The following CFAP20DC variants were observed in gnomAD, a reference collection of about 807,000 sequenced individuals.
CFAP20DC encodes protein CFAP20DC.
In CFAP20DC, 84 loss-of-function variants were observed where a neutral mutation model predicts 101.7. That is an observed-to-expected ratio of 0.83 (90% CI 0.69 to 0.99). The LOEUF (loss-of-function observed/expected upper bound fraction) is 0.99. Ranked by LOEUF, CFAP20DC falls within the 50% of genes least tolerant of loss-of-function variation. CFAP20DC has a pLI of 0.00. For synonymous variants in CFAP20DC, 359 were observed against 351.2 expected (o/e 1.02, Z -0.25); for missense variants, 1,007 against 970.3 (o/e 1.04, Z -0.50).
At chr3:58,819,735 C>G (rs1310911328) in intron 14 of CFAP20DC, among the ~76,000 whole-genome samples, 3 of 144,580 alleles carry the variant, frequency 2.1e-5, no homozygotes, top group South Asian at 4.5e-4. Context: ...GGGTACCATT[C>G]CTTCTGAAAC....
intron 14 of CFAP20DC, among the ~76,000 whole-genome samples, chr3:58,809,252 T>A (rs918185991): frequency 4.0e-5 from 6 of 151,888 alleles, no homozygotes; most frequent in Non-Finnish European, 8.8e-5. Flanking sequence ...AATATACATT[T>A]TTTTCAGCAC....
chr3:58,774,972 T>C (rs1017916594), intron 15 of CFAP20DC, among the ~76,000 whole-genome samples: 1 of 152,158 alleles, frequency 6.6e-6, no homozygotes, highest in African/African-American at 2.4e-5. Flanking sequence ...CACAAATAAA[T>C]ACTTGCTAAC....
chr3:58,722,256 C>G lies in CFAP20DC; in HGVS notation c.198-4628G>C, dbSNP rs1360517335. ...GCCACCAAGTGTTCAGTCACCCCCA[C>G]CCCTTTGAGCCTTTCCAGCTGAGGT... On this transcript the variant is annotated intron_variant, in intron 3 of 3. Coordinates refer to the CFAP20DC transcript ENST00000486145. This position sits in a 1 kb window ranked among gnomAD's most constrained non-coding sequence, Gnocchi z 4.5. 1.3e-5 allele frequency among the ~76,000 whole-genome samples: 2 copies of G among 152,194 alleles called. No homozygotes were observed. The highest frequency in any genetic ancestry group is 1.3e-4 in the Admixed American group (2 of 15,280).
intron 6 of CFAP20DC, among the ~76,000 whole-genome samples, chr3:58,911,381 T>G (rs2084135661): frequency 6.6e-6 from 1 of 152,284 alleles, no homozygotes; most frequent in African/African-American, 2.4e-5. Flanking sequence ...TCCATTTATA[T>G]AAATGTAAAA....
Position 58,864,978 on chromosome 3 carries a change from A to G in CFAP20DC, c.1259-1086T>C, listed in dbSNP as rs1472979595. Among the ~76,000 whole-genome samples, 1 of 152,146 alleles carries G rather than the reference A, an allele frequency of 6.6e-6. No individual in the cohort carries two copies. The highest frequency in any genetic ancestry group is 1.9e-4 in the East Asian group (1 of 5,204). On this transcript the variant is annotated intron_variant, in intron 11 of 16. Transcript: ENST00000482387. The surrounding 1 kb of genome is among the most constrained non-coding windows in gnomAD (Gnocchi z 4.7). ...ACATTGAGATAGAGTTTATAGCTCTATGATCCTGATGAATTGAAAAAGACA... is the reference window on the plus strand; with the variant it reads ...ACATTGAGATAGAGTTTATAGCTCTGTGATCCTGATGAATTGAAAAAGACA...
chr3:58,727,112 A>T (rs2067564782), intron 3 of CFAP20DC: 1 of 199,788 alleles, frequency 5.0e-6, no homozygotes, highest in Non-Finnish European at 1.0e-5. Flanking sequence ...GGGGCCAGGA[A>T]GTGCTATCCT....
rs2079109253 is a variant in CFAP20DC, at chr3:58,859,936, T to C, written c.1593+3622A>G. Among the ~76,000 whole-genome samples, 1 of 152,052 alleles carries C rather than the reference T, an allele frequency of 6.6e-6. No homozygotes were observed. The highest frequency in any genetic ancestry group is 1.5e-5 in the Non-Finnish European group (1 of 68,008). On this transcript the variant is annotated intron_variant, in intron 12 of 16. Coordinates refer to ENST00000482387, the MANE Select transcript of CFAP20DC (RefSeq NM_001394063.1). This position sits in a 1 kb window ranked among gnomAD's most constrained non-coding sequence, Gnocchi z 4.1. The stretch of plus-strand genomic sequence containing the variant: ...GCTCATGCCTGTAATCCCAGCACTT[T>C]CGGAAGCCGAGGCAGGCAGATCACG...
Position 58,848,970 on chromosome 3 carries a change from A to G in CFAP20DC, c.1971+62T>C. On this transcript the variant is annotated intron_variant, in intron 13 of 16. Coordinates refer to ENST00000482387, the MANE Select transcript of CFAP20DC (RefSeq NM_001394063.1). The stretch of plus-strand genomic sequence containing the variant: ...GAGATACTGCTAAAAACATGGGTGG[A>G]ACAGAACGGAACACAGCAGGATGTA... The G allele has an allele frequency of 2.0e-6, 3 of 1,479,134 alleles. No individual in the cohort carries two copies. The South Asian group carries it at 4.1e-5, about 20-fold the overall frequency. 91.6% of individuals were successfully genotyped at this position (1,479,134 alleles called of 1,614,324 possible).
downstream of CFAP20DC, among the ~76,000 whole-genome samples, chr3:58,738,237 T>C (rs975581397): frequency 6.6e-6 from 1 of 152,120 alleles, no homozygotes; most frequent in Admixed American, 6.6e-5. The surrounding 1 kb of genome is among the most constrained non-coding windows in gnomAD (Gnocchi z 4.4). Context: ...AGGTTTGTTA[T>C]GTAGGTAAAC....
In CFAP20DC at chr3:59,014,671, T is replaced by C. The variant is rs956420054; in HGVS notation, c.278+24886A>G. ...TAAGGAGTTAACAGACATCTGATGT[T>C]TGAAGTGAGAGTAATTTATTTACTA... On this transcript the variant is annotated intron_variant, in intron 4 of 16. Coordinates refer to ENST00000482387, the MANE Select transcript of CFAP20DC (RefSeq NM_001394063.1). The surrounding 1 kb of genome is among the most constrained non-coding windows in gnomAD (Gnocchi z 4.9). Among the ~76,000 whole-genome samples, 1 of 152,152 alleles carries C rather than the reference T, an allele frequency of 6.6e-6. No individual in the cohort carries two copies. The highest frequency in any genetic ancestry group is 2.1e-4 in the South Asian group (1 of 4,832).
rs1223831633 is a variant in CFAP20DC at position 59,046,240 on chromosome 3, T to C, written c.194A>G (p.Asn65Ser). ...AAAATATTACTTACGGCTTTGCTTA[T>C]TCTCCTTTGGTAACTGAATTTTGTT... is the stretch of plus-strand genomic sequence containing the variant. ...QTNKIQLPKE[N>S]KQSLGLIQRF... Residue 65 changes from asparagine to serine, a missense_variant, in exon 3 of 17, where the codon AAT (asparagine) becomes AGT (serine). By Grantham distance (46) the Asn-to-Ser change is conservative. Coordinates refer to ENST00000482387, the MANE Select transcript of CFAP20DC (RefSeq NM_001394063.1). 2 of 1,529,786 alleles carry C rather than the reference T, an allele frequency of 1.3e-6. No homozygotes were observed. The highest frequency in any genetic ancestry group is 4.9e-5 in the East Asian group (2 of 40,774). The allele number at this position is 1,529,786 out of a possible 1,614,324, so 94.8% of individuals were successfully genotyped here.
chr3:58,926,174 T>G lies in CFAP20DC; in HGVS notation c.393+11474A>C, dbSNP rs560733862. The stretch of plus-strand genomic sequence containing the variant: ...TGAGGTCAGGAGTTAGAGACCAGCC[T>G]GCCCAACATGGTGAAACCCTGTCTC... On this transcript the variant is annotated intron_variant, in intron 5 of 16. Coordinates refer to ENST00000482387, the MANE Select transcript of CFAP20DC (RefSeq NM_001394063.1). Among the ~76,000 whole-genome samples the G allele has an allele frequency of 1.2e-3, 185 of 152,188 alleles. 1 individual carries two copies. The highest frequency in any genetic ancestry group is 1.6e-3 in the Non-Finnish European group (106 of 67,994).
At chr3:58,760,310 T>G (rs2069426745) in intron 15 of CFAP20DC, among the ~76,000 whole-genome samples, 1 of 152,184 alleles carries the variant, frequency 6.6e-6, no homozygotes, top group Admixed American at 6.5e-5. Context: ...TGAATGGGAG[T>G]TCACTCATGA....
intron 15 of CFAP20DC, among the ~76,000 whole-genome samples, chr3:58,763,538 C>T (rs537627965): frequency 1.3e-5 from 2 of 152,306 alleles, no homozygotes; most frequent in Non-Finnish European, 2.9e-5. Context: ...TTTCTCAACT[C>T]GTCAAAGTCA....
chr3:58,833,779 A>G (rs2076554393), intron 13 of CFAP20DC, among the ~76,000 whole-genome samples: 1 of 152,230 alleles, frequency 6.6e-6, no homozygotes, highest in Admixed American at 6.5e-5. Flanking sequence ...AAATGTTCAA[A>G]GAAGCATTAT....
intron 3 of CFAP20DC, chr3:58,726,543 A>G (rs2067554410): frequency 6.0e-6 from 1 of 167,232 alleles, no homozygotes; most frequent in African/African-American, 2.4e-5. Flanking sequence ...CCATCAGAAT[A>G]GATGAAAGTG....
chr3:58,781,884 C>T (rs1015076564), intron 15 of CFAP20DC, among the ~76,000 whole-genome samples: 1 of 151,844 alleles, frequency 6.6e-6, no homozygotes, highest in Non-Finnish European at 1.5e-5. Context: ...CTTGAACTAT[C>T]CCAAAAATTG....
intron 4 of CFAP20DC, among the ~76,000 whole-genome samples, chr3:58,990,128 C>A (rs902013399): frequency 1.3e-5 from 2 of 152,182 alleles, no homozygotes; most frequent in African/African-American, 4.8e-5. Context: ...TGGAAACACT[C>A]TGAACTGCAG....
At chr3:58,826,151 CAGA>C in intron 14 of CFAP20DC, among the ~76,000 whole-genome samples, 2 of 152,234 alleles carry the variant, frequency 1.3e-5, no homozygotes, top group Middle Eastern at 3.4e-3. Context: ...AGGCCCTGCT[CAGA>C]AGGAGATTTT....
Sources: allele counts gnomAD v4.1 joint callset (sites outside exome capture counted in the v4.1 genomes callset), GRCh38; gene constraint gnomAD v4.1.1; non-coding constraint Gnocchi (gnomAD v3.1); transcripts MANE v1.5; gene names NCBI Gene and HGNC (gene_info 2026-07-23, HGNC 2026-07-21).